Variants in SCOC observed in about 807,000 individuals in gnomAD.
SCOC encodes the protein short coiled coil protein.
In SCOC, 7 loss-of-function variants were observed where a neutral mutation model predicts 9.9. The observed-to-expected ratio is 0.71, with a 90% CI of 0.40 to 1.33. The LOEUF is 1.33. Among genes scored for constraint, SCOC ranks in the 40% most tolerant of loss-of-function variants. The pLI is 0.01. For synonymous variants in SCOC, 19 were observed against 28.2 expected (o/e 0.67, Z 1.03); for missense variants, 66 against 89.7 (o/e 0.74, Z 1.07).
chr4:140,292,473 G>A (rs1258590987), intron 1 of SCOC, among the ~76,000 whole-genome samples: 1 of 152,164 alleles, frequency 6.6e-6, no homozygotes, highest in Non-Finnish European at 1.5e-5. Context: ...ACAGGCATGA[G>A]CCACTGAACC....
chr4:140,379,094 T>C (rs777368327), intron 1 of SCOC, 27 bp from the exon 2 acceptor site: 2 of 1,384,542 alleles, frequency 1.4e-6, no homozygotes, highest in South Asian at 2.3e-5. Context: ...TGTATGTGTC[T>C]ATATTTCTGA....
chr4:140,343,146 C>T (rs897513384), upstream of SCOC, among the ~76,000 whole-genome samples: 2 of 152,108 alleles, frequency 1.3e-5, no homozygotes, highest in Non-Finnish European at 2.9e-5. Flanking sequence ...ACAGACTTAT[C>T]CTCATATTAC....
chr4:140,276,775 CA>C (rs141521789), intron 1 of SCOC, among the ~76,000 whole-genome samples: 58 of 146,186 alleles, frequency 4.0e-4, no homozygotes, highest in Admixed American at 6.8e-4. Flanking sequence ...AGTTTTAAAG[CA>C]AAAAAAAAAC....
intron 2 of SCOC, among the ~76,000 whole-genome samples, chr4:140,348,270 G>A (rs1056631454): frequency 1.3e-5 from 2 of 151,876 alleles, no homozygotes; most frequent in Non-Finnish European, 2.9e-5. Context: ...TCATCTTGTC[G>A]AATTGAAATT....
At chr4:140,308,153 G>A (rs146855464) in intron 1 of SCOC, among the ~76,000 whole-genome samples, 9 of 152,266 alleles carry the variant, frequency 5.9e-5, no homozygotes, top group African/African-American at 1.9e-4. Context: ...ACAATTTGCT[G>A]GTTCTTAAAC....
At chr4:140,285,326 G>C in intron 1 of SCOC, 2 of 455,236 alleles carry the variant, frequency 4.4e-6, no homozygotes, top group Admixed American at 2.4e-5. Context: ...AATTGTGGTA[G>C]AGCATATCTT....
chr4:140,283,120 C>A (rs976675325), intron 1 of SCOC, among the ~76,000 whole-genome samples: 4 of 152,104 alleles, frequency 2.6e-5, no homozygotes, highest in African/African-American at 9.7e-5. Flanking sequence ...TAAGCATGTC[C>A]ATCTTATTTT....
intron 2 of SCOC, among the ~76,000 whole-genome samples, chr4:140,362,988 G>A (rs2126561092): frequency 6.6e-6 from 1 of 152,312 alleles, no homozygotes; most frequent in South Asian, 2.1e-4. Context: ...TATGTTTTCA[G>A]AGAGCAACTT....
intron 1 of SCOC, among the ~76,000 whole-genome samples, chr4:140,258,564 C>G (rs573803406): frequency 1.2e-4 from 18 of 152,308 alleles, no homozygotes; most frequent in African/African-American, 1.9e-4. Flanking sequence ...ATGCCAATCT[C>G]TCTCTCCTCT....
upstream of SCOC, among the ~76,000 whole-genome samples, chr4:140,370,633 G>A (rs1239827488): frequency 4.6e-5 from 7 of 152,146 alleles, no homozygotes; most frequent in African/African-American, 1.4e-4. Context: ...TTGCAGAGCA[G>A]GGAGTAATGA....
At chr4:140,295,930 C>CAAAAAA (rs1203213131) in intron 1 of SCOC, among the ~76,000 whole-genome samples, 8 of 52,792 alleles carry the variant, frequency 1.5e-4, no homozygotes, top group East Asian at 1.1e-3. Context: ...GACTCCGTCT[C>CAAAAAA]AAAAAAAAAA....
chr4:140,336,339 C>A (rs1732957385), intron 1 of SCOC, among the ~76,000 whole-genome samples: 1 of 152,144 alleles, frequency 6.6e-6, no homozygotes, highest in Non-Finnish European at 1.5e-5. Context: ...TTTTTCATCA[C>A]CCCAGAAACA....
intron 2 of SCOC, among the ~76,000 whole-genome samples, chr4:140,355,582 G>A (rs1231249911): frequency 6.6e-6 from 1 of 152,124 alleles, no homozygotes; most frequent in African/African-American, 2.4e-5. Context: ...GTACTGACTA[G>A]GTAGAAGCAA....
intron 1 of SCOC, among the ~76,000 whole-genome samples, chr4:140,327,104 G>T (rs1180530645): frequency 1.3e-5 from 2 of 152,132 alleles, no homozygotes; most frequent in African/African-American, 4.8e-5. Context: ...TGATTTTCCT[G>T]TTCCCACCTG....
At chr4:140,369,034 A>C (rs1727928940), upstream of SCOC, among the ~76,000 whole-genome samples, 1 of 152,056 alleles carries the variant, frequency 6.6e-6, no homozygotes, top group African/African-American at 2.4e-5. Flanking sequence ...AGACCTTGAA[A>C]TCCTTTGGAA....
chr4:140,335,307 G>A (rs1732927704), intron 1 of SCOC, among the ~76,000 whole-genome samples: 1 of 152,148 alleles, frequency 6.6e-6, no homozygotes, highest in South Asian at 2.1e-4. Flanking sequence ...AAGCCATTTT[G>A]TCCTCATGTT....
At chr4:140,273,555 G>A (rs945109950) in intron 1 of SCOC, among the ~76,000 whole-genome samples, 43 of 151,770 alleles carry the variant, frequency 2.8e-4, no homozygotes, top group African/African-American at 9.7e-4. Flanking sequence ...AAAGAATCAA[G>A]CAGATCACAA....
intron 2 of SCOC, among the ~76,000 whole-genome samples, chr4:140,365,778 T>A (rs1295294867): frequency 1.3e-5 from 2 of 152,242 alleles, no homozygotes; most frequent in African/African-American, 4.8e-5. Context: ...ACTTTCTTAA[T>A]AACATTTTCT....
chr4:140,379,290 T>G (rs1264506708), intron 2 of SCOC, 98 bp downstream of exon 2: 1 of 871,416 alleles, frequency 1.1e-6, no homozygotes, highest in Non-Finnish European at 1.9e-6. Flanking sequence ...TTTAGAAGAC[T>G]TTGATCTTGG....
Sources: allele counts gnomAD v4.1 joint callset (sites outside exome capture counted in the v4.1 genomes callset), GRCh38; gene constraint gnomAD v4.1.1; transcripts MANE v1.5; gene names NCBI Gene and HGNC (gene_info 2026-07-23, HGNC 2026-07-21).